The following KCNIP4 variants were observed in gnomAD, a reference collection of about 807,000 sequenced individuals.
KCNIP4 encodes Kv channel-interacting protein 4.
In KCNIP4, 12 loss-of-function variants were observed where a neutral mutation model predicts 34.0. The ratio of observed to expected loss-of-function variants is 0.35; its 90% confidence interval spans 0.23 to 0.57. The LOEUF is 0.57. KCNIP4 is among the 20% of genes least tolerant of loss of function. The pLI is 0.83. For synonymous variants in KCNIP4, 124 were observed against 102.2 expected (o/e 1.21, Z -1.29); for missense variants, 238 against 311.7 (o/e 0.76, Z 1.78).
chr4:21,466,540 A>G (rs1008791855), intron 1 of KCNIP4, among the ~76,000 whole-genome samples: 4 of 152,176 alleles, frequency 2.6e-5, no homozygotes, highest in Non-Finnish European at 5.9e-5. Flanking sequence ...AAGCTGTGGC[A>G]CTAAGGGATT....
chr4:20,838,384 C>A (rs1037453758), intron 3 of KCNIP4, among the ~76,000 whole-genome samples: 64 of 152,206 alleles, frequency 4.2e-4, no homozygotes, highest in African/African-American at 1.4e-3. Flanking sequence ...GAATATTAAC[C>A]AGAAAAATTC....
intron 3 of KCNIP4, among the ~76,000 whole-genome samples, chr4:20,818,685 A>G (rs373518523): frequency 1.3e-5 from 2 of 152,298 alleles, no homozygotes; most frequent in East Asian, 3.9e-4. Context: ...TCTGCAAATT[A>G]TAACATTAAT....
rs148843170 is a variant in KCNIP4 at position 20,774,278 on chromosome 4, T to G, written c.289-15388A>C. Among the ~76,000 whole-genome samples, 983 of 152,194 alleles carry G rather than the reference T, an allele frequency of 6.5e-3. 9 individuals carry two copies. The highest frequency in any genetic ancestry group is 0.011 in the Non-Finnish European group (734 of 68,026). On this transcript the variant is annotated intron_variant, in intron 3 of 8. Transcript: ENST00000382152. ...TTATCCTTGTTAAATACCATCTGCTTATTTAATTTCAGAGGATTTTCAGAA... is the reference window on the plus strand; with the variant it reads ...TTATCCTTGTTAAATACCATCTGCTGATTTAATTTCAGAGGATTTTCAGAA...
At chr4:21,198,859 G>A (rs1375313617) in intron 1 of KCNIP4, among the ~76,000 whole-genome samples, 4 of 152,106 alleles carry the variant, frequency 2.6e-5, no homozygotes, top group African/African-American at 9.7e-5. Flanking sequence ...CTGGCTTTGG[G>A]GGACTGACAT....
intron 1 of KCNIP4, among the ~76,000 whole-genome samples, chr4:21,883,530 A>G (rs1726583399): frequency 6.6e-6 from 1 of 152,192 alleles, no homozygotes; most frequent in Non-Finnish European, 1.5e-5. Context: ...TAAAAATCTT[A>G]GATACACGTC....
intron 1 of KCNIP4, among the ~76,000 whole-genome samples, chr4:21,644,099 C>A (rs535144616): frequency 1.2e-4 from 18 of 152,022 alleles, no homozygotes; most frequent in African/African-American, 4.3e-4. Flanking sequence ...TCAAACAAAA[C>A]CTTGGAAGAG....
chr4:21,469,574 G>A (rs2109801018), intron 1 of KCNIP4, among the ~76,000 whole-genome samples: 1 of 151,964 alleles, frequency 6.6e-6, no homozygotes, highest in East Asian at 1.9e-4. Flanking sequence ...CAAATAACTT[G>A]GGAAACAAAA....
chr4:21,057,113 C>A (rs1489486573), intron 1 of KCNIP4, among the ~76,000 whole-genome samples: 1 of 151,944 alleles, frequency 6.6e-6, no homozygotes. Flanking sequence ...TTACAATGTG[C>A]CCAAATTGTA....
intron 2 of KCNIP4, among the ~76,000 whole-genome samples, chr4:20,875,582 G>A (rs570065932): frequency 1.0e-3 from 152 of 152,260 alleles, no homozygotes; most frequent in African/African-American, 3.3e-3. Context: ...TAAGAAATAC[G>A]TAAATATTAA....
At chr4:21,072,158 A>T (rs1398610547) in intron 1 of KCNIP4, among the ~76,000 whole-genome samples, 1 of 152,220 alleles carries the variant, frequency 6.6e-6, no homozygotes, top group Non-Finnish European at 1.5e-5. Flanking sequence ...GTATATACCC[A>T]GTAATGGGAT....
At chr4:21,241,887 G>A (rs772196256) in intron 1 of KCNIP4, among the ~76,000 whole-genome samples, 14 of 151,956 alleles carry the variant, frequency 9.2e-5, no homozygotes, top group Non-Finnish European at 1.5e-4. Context: ...TATGTTGGCC[G>A]GGCGTGGTGG....
chr4:21,153,712 C>T (rs1460453085), intron 1 of KCNIP4, among the ~76,000 whole-genome samples: 1 of 151,712 alleles, frequency 6.6e-6, no homozygotes, highest in African/African-American at 2.4e-5. Context: ...CTGGGAAAAC[C>T]CCAGATTCAA....
chr4:21,632,137 T>C (rs773376692), intron 1 of KCNIP4, among the ~76,000 whole-genome samples: 2 of 152,208 alleles, frequency 1.3e-5, no homozygotes, highest in Non-Finnish European at 2.9e-5. Flanking sequence ...TCTTCTAACA[T>C]AATAGATTCC....
intron 1 of KCNIP4, chr4:21,844,737 AC>A (rs1307639346): frequency 1.3e-5 from 2 of 152,072 alleles, no homozygotes; most frequent in African/African-American, 4.8e-5. Context: ...TTATGAGACT[AC>A]ATATTTCAAC....
chr4:20,989,391 G>C lies in KCNIP4; in HGVS notation c.62-106682C>G, dbSNP rs1280094885. ...GCAGAGTTGGCTTGTTTAAGGTCAG[G>C]GACTTGGAAGTGGACACAGGTGGCT... On this transcript the variant is annotated intron_variant, in intron 1 of 8. Coordinates refer to ENST00000382152, the MANE Select transcript of KCNIP4 (RefSeq NM_025221.6). 2.0e-5 allele frequency among the ~76,000 whole-genome samples: 3 copies of C among 152,144 alleles called. No homozygotes were observed. In the East Asian group the frequency reaches 5.8e-4, roughly 29 times the overall value.
At chr4:21,130,607 A>T in intron 1 of KCNIP4, among the ~76,000 whole-genome samples, 1 of 152,208 alleles carries the variant, frequency 6.6e-6, no homozygotes, top group East Asian at 1.9e-4. Flanking sequence ...TCCATGTAGG[A>T]GCTATTTAAA....
intron 1 of KCNIP4, among the ~76,000 whole-genome samples, chr4:21,863,951 T>G (rs1378933112): frequency 3.1e-5 from 4 of 128,368 alleles, no homozygotes; most frequent in Non-Finnish European, 5.8e-5. Flanking sequence ...TAATTTGCTT[T>G]AACACAAAAA....
At chr4:21,328,778 C>T (rs1715339857) in intron 1 of KCNIP4, among the ~76,000 whole-genome samples, 1 of 152,206 alleles carries the variant, frequency 6.6e-6, no homozygotes, top group Non-Finnish European at 1.5e-5. Context: ...TGTGACTGAG[C>T]TGGCACTCAA....
intron 1 of KCNIP4, among the ~76,000 whole-genome samples, chr4:21,455,625 G>GTTTTTTTTTTTTTTTTTTTTTTTT (rs200924043): frequency 7.1e-6 from 1 of 140,032 alleles, no homozygotes; most frequent in African/African-American, 2.6e-5. Context: ...GAAACTGAAG[G>GTTTTTTTTTTTTTTTTTTTTTTTT]TTTTTTTTTT....
Sources: allele counts gnomAD v4.1 joint callset (sites outside exome capture counted in the v4.1 genomes callset), GRCh38; gene constraint gnomAD v4.1.1; transcripts MANE v1.5; gene names NCBI Gene and HGNC (gene_info 2026-07-23, HGNC 2026-07-21).